Variants in TNFRSF21 observed in about 807,000 individuals in gnomAD.
TNFRSF21 encodes tumor necrosis factor receptor superfamily member 21.
Under a neutral mutation model 45.6 loss-of-function variants are expected in TNFRSF21, and 19 were observed. That is an observed-to-expected ratio of 0.42 (90% CI 0.29 to 0.61). TNFRSF21 has a LOEUF of 0.61. Ranked by LOEUF, TNFRSF21 falls within the 20% of genes least tolerant of loss-of-function variation. The pLI is 0.23. For synonymous variants in TNFRSF21, 314 were observed against 335.5 expected, an observed-to-expected ratio of 0.94 and a Z score of 0.70; for missense variants, 737 against 851.5, an observed-to-expected ratio of 0.87 and a Z score of 1.67.
intron 4 of TNFRSF21, among the ~76,000 whole-genome samples, chr6:47,240,364 CAA>C (rs1764727791): frequency 6.6e-6 from 1 of 152,124 alleles, no homozygotes; most frequent in African/African-American, 2.4e-5. Context: ...TATGAGGTAA[CAA>C]AAAGAGACCT....
chr6:47,236,649 G>A (rs1390834723), intron 4 of TNFRSF21, among the ~76,000 whole-genome samples: 1 of 152,156 alleles, frequency 6.6e-6, no homozygotes, highest in Non-Finnish European at 1.5e-5. Context: ...TGGGAAACAT[G>A]CACACCTAGC....
intron 4 of TNFRSF21, among the ~76,000 whole-genome samples, chr6:47,243,067 G>C (rs376865300): frequency 6.6e-6 from 1 of 152,156 alleles, no homozygotes; most frequent in Admixed American, 6.5e-5. Flanking sequence ...TTTATGACTC[G>C]GGCTTTTTGA....
chr6:47,253,206 C>T (rs1040565719), intron 4 of TNFRSF21, 50 bp downstream of exon 4: 1 of 1,586,562 alleles, frequency 6.3e-7, no homozygotes, highest in African/African-American at 1.3e-5. Flanking sequence ...AAATTTGAAG[C>T]ATAGGGGCAA....
intron 4 of TNFRSF21, 152 bp downstream of exon 4, chr6:47,253,104 G>A: frequency 3.0e-6 from 2 of 667,540 alleles, no homozygotes; most frequent in South Asian, 2.7e-5. Flanking sequence ...AGAAGGTAGG[G>A]TGTGTGTGTG....
At chr6:47,257,423 C>T (rs1401447771) in intron 3 of TNFRSF21, among the ~76,000 whole-genome samples, 1 of 152,166 alleles carries the variant, frequency 6.6e-6, no homozygotes, top group East Asian at 1.9e-4. Context: ...CCTCTCCCAC[C>T]GTGGAGTTGA....
chr6:47,308,437 T>C (rs939731187), intron 1 of TNFRSF21, among the ~76,000 whole-genome samples: 22 of 150,880 alleles, frequency 1.5e-4, no homozygotes, highest in Non-Finnish European at 2.4e-4. Context: ...TGATAAAAGA[T>C]AGGCAAGGGA....
At chr6:47,273,447 G>A (rs986373574) in intron 3 of TNFRSF21, among the ~76,000 whole-genome samples, 9 of 152,084 alleles carry the variant, frequency 5.9e-5, no homozygotes, top group South Asian at 2.1e-4. Context: ...AAAGGCCTTC[G>A]ACAAAATTCA....
At chr6:47,260,619 C>T (rs1765061082) in intron 3 of TNFRSF21, among the ~76,000 whole-genome samples, 1 of 152,078 alleles carries the variant, frequency 6.6e-6, no homozygotes, top group Admixed American at 6.6e-5. Flanking sequence ...GGCTGTTTTC[C>T]TTTTGGAGAT....
At chr6:47,252,482 C>T (rs1233088167) in intron 4 of TNFRSF21, among the ~76,000 whole-genome samples, 5 of 152,188 alleles carry the variant, frequency 3.3e-5, no homozygotes, top group Non-Finnish European at 7.3e-5. Context: ...AAATGAGTTA[C>T]ATCATGGTCG....
At chr6:47,268,654 A>G (rs748304666) in intron 3 of TNFRSF21, among the ~76,000 whole-genome samples, 61 of 152,310 alleles carry the variant, frequency 4.0e-4, no homozygotes, top group Non-Finnish European at 7.2e-4. Context: ...GCCTGAAATC[A>G]TCCAAGTAAA....
intron 3 of TNFRSF21, among the ~76,000 whole-genome samples, chr6:47,264,000 C>G (rs1762287902): frequency 6.6e-6 from 1 of 152,160 alleles, no homozygotes; most frequent in African/African-American, 2.4e-5. Flanking sequence ...CCATGTTAGC[C>G]ACCAGTTACT....
chr6:47,248,252 G>A (rs1403498132), intron 4 of TNFRSF21, among the ~76,000 whole-genome samples: 1 of 152,060 alleles, frequency 6.6e-6, no homozygotes, highest in Non-Finnish European at 1.5e-5. Context: ...ACTCTAGTAT[G>A]GCCCCCAGTA....
intron 3 of TNFRSF21, among the ~76,000 whole-genome samples, chr6:47,268,049 C>T (rs1372782912): frequency 1.3e-5 from 2 of 152,210 alleles, no homozygotes; most frequent in African/African-American, 4.8e-5. Context: ...CACCTCCACT[C>T]CTCCTTCTCC....
intron 3 of TNFRSF21, among the ~76,000 whole-genome samples, chr6:47,255,745 G>A (rs777633531): frequency 6.6e-6 from 1 of 152,132 alleles, no homozygotes; most frequent in African/African-American, 2.4e-5. Flanking sequence ...TTACAGGCGT[G>A]AGCCACCATG....
At chr6:47,285,883 C>T (rs1478558777) in intron 2 of TNFRSF21, 61 bp downstream of exon 2, 1 of 1,555,022 alleles carries the variant, frequency 6.4e-7, no homozygotes, top group Admixed American at 1.8e-5. Context: ...TAAGCCCACT[C>T]TTGGTACCTC....
intron 3 of TNFRSF21, among the ~76,000 whole-genome samples, chr6:47,273,914 A>G (rs1762461115): frequency 6.6e-6 from 1 of 152,206 alleles, no homozygotes; most frequent in African/African-American, 2.4e-5. Flanking sequence ...TAAAATACCT[A>G]GGAATCCAAC....
At chr6:47,236,824 G>A (rs1257429270) in intron 4 of TNFRSF21, among the ~76,000 whole-genome samples, 2 of 152,096 alleles carry the variant, frequency 1.3e-5, no homozygotes, top group Non-Finnish European at 2.9e-5. Flanking sequence ...CTACATCCTG[G>A]TTCTCAGGGA....
At chr6:47,233,159 C>T (rs905409172) in intron 5 of TNFRSF21, among the ~76,000 whole-genome samples, 165 bp from the exon 6 acceptor site, 6 of 152,094 alleles carry the variant, frequency 3.9e-5, no homozygotes, top group African/African-American at 4.8e-5. Context: ...CTGGCACATT[C>T]GAAACAACAC....
At chr6:47,267,629 CT>C (rs1762354674) in intron 3 of TNFRSF21, among the ~76,000 whole-genome samples, 1 of 152,096 alleles carries the variant, frequency 6.6e-6, no homozygotes, top group Admixed American at 6.5e-5. Context: ...TCTCCCTGGC[CT>C]TGTGGGAAAG....
Sources: allele counts gnomAD v4.1 joint callset (sites outside exome capture counted in the v4.1 genomes callset), GRCh38; gene constraint gnomAD v4.1.1; transcripts MANE v1.5; gene names NCBI Gene and HGNC (gene_info 2026-07-23, HGNC 2026-07-21).